Variants in RANBP2 observed in about 807,000 individuals in gnomAD.
RANBP2 encodes the protein RAN binding protein 2.
RANBP2 carries 57 observed loss-of-function variants against 303.6 expected under a neutral mutation model. The ratio of observed to expected loss-of-function variants is 0.19; its 90% CI spans 0.15 to 0.23. The LOEUF is 0.23. Among genes scored for constraint, RANBP2 ranks in the 10% least tolerant of loss-of-function variants. RANBP2 has a pLI of 1.00. For missense variants in RANBP2, 3,138 were observed against 3,780.8 expected, an observed-to-expected ratio of 0.83 and a Z score of 4.46; for synonymous variants, 1,167 against 1,301.5, an observed-to-expected ratio of 0.90 and a Z score of 2.23.
chr2:109,682,782 T>C, the RANBP2 span, among the ~76,000 whole-genome samples: 43,872 of 151,844 alleles, frequency 0.29, 7,648 homozygotes, highest in Admixed American at 0.38. Context: ...CTATTATTTA[T>C]ATATATGTAT....
At chr2:109,634,119 C>CAAAAA in the RANBP2 span, among the ~76,000 whole-genome samples, 117 of 56,070 alleles carry the variant, frequency 2.1e-3, no homozygotes, top group Admixed American at 2.9e-3. Context: ...GACTCTGTCT[C>CAAAAA]AAAAAAAAAA....
At chr2:108,807,191 A>G in the RANBP2 span, among the ~76,000 whole-genome samples, 2 of 152,252 alleles carry the variant, frequency 1.3e-5, no homozygotes, top group Non-Finnish European at 2.9e-5. Context: ...TTAACAGGCA[A>G]TGACTTTAAA....
At chr2:108,775,584 A>G (rs72833191) in intron 23 of RANBP2, 148 bp from the exon 24 acceptor site, 54,825 of 745,128 alleles carry the variant, frequency 0.074, 2,486 homozygotes, top group Middle Eastern at 0.087. Flanking sequence ...GCATTTAGTT[A>G]TAGGTTTTGA....
chr2:109,240,929 C>T, the RANBP2 span, among the ~76,000 whole-genome samples: 1 of 139,548 alleles, frequency 7.2e-6, no homozygotes, highest in Non-Finnish European at 1.5e-5. Flanking sequence ...TTCTCATGTT[C>T]CATCTTCTTT....
At position 108,763,315 on chromosome 2, in the gene RANBP2, G is replaced by C; in HGVS notation, c.2776G>C (p.Val926Leu). The C allele has an allele frequency of 6.2e-7, 1 of 1,613,972 alleles. No individual in the cohort carries two copies. Among genetic ancestry groups the C allele is most frequent in the Non-Finnish European group, 8.5e-7 (1 of 1,179,960 alleles). Reference protein sequence around the residue: ...AYPQQMHTPPVQSSSACMFSQ... With the variant: ...AYPQQMHTPPLQSSSACMFSQ... ...TCCGCAACAGATGCACACACCGCCA[G>C]TGCAAAGCTCATCTGCTTGTATGTT... Residue 926 changes from valine (V) to leucine (L), a missense_variant, in exon 20 of 29, where the codon GTG (valine) becomes CTG (leucine). By Grantham distance (32) the Val-to-Leu change is conservative. This residue lies in a region of RANBP2 where 403 missense variants were observed against 376.7 expected (regional missense o/e 1.07). Transcript: ENST00000283195.
At chr2:109,500,622 GAAAA>G in the RANBP2 span, among the ~76,000 whole-genome samples, 2 of 152,134 alleles carry the variant, frequency 1.3e-5, no homozygotes, top group African/African-American at 4.8e-5. Flanking sequence ...AAGGCACTGG[GAAAA>G]AAATCTTATG....
At chr2:108,966,549 G>A in the RANBP2 span, among the ~76,000 whole-genome samples, 1 of 152,220 alleles carries the variant, frequency 6.6e-6, no homozygotes, top group Non-Finnish European at 1.5e-5. Context: ...AAGACTATGA[G>A]GAAGAGGTCA....
At chr2:109,263,743 G>T in the RANBP2 span, among the ~76,000 whole-genome samples, 1 of 152,202 alleles carries the variant, frequency 6.6e-6, no homozygotes, top group Admixed American at 6.5e-5. Flanking sequence ...GAGGTGGGCA[G>T]ATCATGAGGT....
chr2:109,643,905 G>A, the RANBP2 span, among the ~76,000 whole-genome samples: 1 of 151,894 alleles, frequency 6.6e-6, no homozygotes, highest in Admixed American at 6.6e-5. Flanking sequence ...GGCGGATCAC[G>A]AGGTCAGGAG....
the RANBP2 span, among the ~76,000 whole-genome samples, chr2:109,086,393 C>T: frequency 6.6e-6 from 1 of 152,176 alleles, no homozygotes; most frequent in Non-Finnish European, 1.5e-5. Flanking sequence ...TGTGTGAAGT[C>T]CTTTTCTATA....
chr2:108,875,276 A>G, the RANBP2 span, among the ~76,000 whole-genome samples: 1 of 151,510 alleles, frequency 6.6e-6, no homozygotes, highest in Non-Finnish European at 1.5e-5. Context: ...ATATGTAACT[A>G]ACCTGCACAA....
At position 108,765,062 on chromosome 2, in the gene RANBP2, A is replaced by G. The variant is rs867629687; in HGVS notation, c.4523A>G (p.Gln1508Arg). The change falls in exon 20 of 29, where the codon CAG (glutamine) becomes CGG (arginine). Residue 1508 changes from glutamine (Q) to arginine (R), a missense_variant. Gln to Arg is a conservative substitution (Grantham distance 43, BLOSUM62 1). This residue lies in a region of RANBP2 where 388 missense variants were observed against 328.5 expected (regional missense o/e 1.18). Transcript: ENST00000283195. ...KCAACQNPRK[Q>R]SLPATSIPTP... ...GCTGCTTGTCAGAATCCGAGAAAAC[A>G]GAGTCTACCTGCTACTTCTATTCCA... is the stretch of plus-strand genomic sequence containing the variant. The G allele has an allele frequency of 1.2e-6, 2 of 1,613,820 alleles. No individual in the cohort carries two copies. The highest frequency in any genetic ancestry group is 2.2e-5 in the South Asian group (2 of 91,080).
At chr2:108,920,908 A>C in the RANBP2 span, among the ~76,000 whole-genome samples, 1 of 152,132 alleles carries the variant, frequency 6.6e-6, no homozygotes, top group Non-Finnish European at 1.5e-5. Context: ...AGGAGAGGAC[A>C]TGAGGCTCTG....
chr2:109,614,226 C>T, the RANBP2 span: 1 of 902,562 alleles, frequency 1.1e-6, no homozygotes, highest in Non-Finnish European at 1.4e-6. Flanking sequence ...TGAGGCGAGG[C>T]CGCCCTAGGT....
At chr2:109,171,537 G>A in the RANBP2 span, among the ~76,000 whole-genome samples, 7 of 152,228 alleles carry the variant, frequency 4.6e-5, no homozygotes, top group East Asian at 1.9e-4. Flanking sequence ...GGCTTCGCCC[G>A]CGGCGGGCCA....
the RANBP2 span, among the ~76,000 whole-genome samples, chr2:108,905,604 C>G: frequency 6.6e-6 from 1 of 152,072 alleles, no homozygotes; most frequent in Non-Finnish European, 1.5e-5. Context: ...TCCCGCTGCC[C>G]GGCCAGATCA....
chr2:108,942,569 A>G, the RANBP2 span, among the ~76,000 whole-genome samples: 2 of 152,260 alleles, frequency 1.3e-5, no homozygotes, highest in Non-Finnish European at 2.9e-5. Flanking sequence ...TCTAGAAGAC[A>G]TAAATGGTGC....
intron 28 of RANBP2, 69 bp from the exon 29 acceptor site, chr2:108,783,527 A>G (rs1228474842): frequency 5.0e-6 from 6 of 1,198,878 alleles, no homozygotes; most frequent in Non-Finnish European, 7.2e-6. Flanking sequence ...GTGTATTTTA[A>G]TATTTTACTC....
chr2:108,817,083 A>C, the RANBP2 span, among the ~76,000 whole-genome samples: 2 of 152,192 alleles, frequency 1.3e-5, no homozygotes, highest in Non-Finnish European at 2.9e-5. Flanking sequence ...ACAAACGTTC[A>C]AACCATAGCA....
Sources: gnomAD v4.1 joint callset for allele counts (sites outside exome capture counted in the v4.1 genomes callset) on GRCh38, gnomAD v4.1.1 for gene constraint, gnomAD v4.1.1 regional missense constraint, MANE v1.5 for transcripts, NCBI Gene and HGNC (gene_info 2026-07-23, HGNC 2026-07-21) for gene names.